Variants in DOCK10 observed in about 807,000 individuals in gnomAD.
The protein encoded by DOCK10 is dedicator of cytokinesis protein 10.
Under a neutral mutation model 280.1 loss-of-function variants are expected in DOCK10, and 145 were observed. The ratio of observed to expected loss-of-function variants is 0.52; its 90% CI spans 0.45 to 0.59. The LOEUF (loss-of-function observed/expected upper bound fraction) is 0.59, where lower values mean the gene tolerates loss of function less well. DOCK10 is among the 20% of genes least tolerant of loss of function. The pLI is 0.00. For missense variants in DOCK10, 2,368 were observed against 2,651.7 expected (o/e 0.89, Z 2.35); for synonymous variants, 915 against 942.2 (o/e 0.97, Z 0.53).
intron 49 of DOCK10, 53 bp from the exon 50 acceptor site, chr2:224,787,188 G>A: frequency 1.2e-6 from 2 of 1,605,410 alleles, no homozygotes; most frequent in Middle Eastern, 1.7e-4. Context: ...ATACAAATAA[G>A]GGAGTTTTTA....
chr2:224,991,247 A>T (rs1414341236), intron 1 of DOCK10, among the ~76,000 whole-genome samples: 5 of 152,190 alleles, frequency 3.3e-5, no homozygotes, highest in Non-Finnish European at 7.3e-5. Flanking sequence ...CTAGAAAGTG[A>T]TTCAGAGCAA....
intron 1 of DOCK10, among the ~76,000 whole-genome samples, chr2:225,009,897 T>C (rs2126296281): frequency 6.6e-6 from 1 of 152,278 alleles, no homozygotes; most frequent in African/African-American, 2.4e-5. Flanking sequence ...TCCTGCATAG[T>C]TGAGGGATTA....
At chr2:225,014,081 A>ATATTTTTTTTTTTTTTTTTTT (rs776104946) in intron 1 of DOCK10, among the ~76,000 whole-genome samples, 2 of 96,800 alleles carry the variant, frequency 2.1e-5, no homozygotes, top group Non-Finnish European at 3.9e-5. Flanking sequence ...GTCTGAATAT[A>ATATTTTTTTTTTTTTTTTTTT]TTGTTTTTTT....
Position 225,035,539 on chromosome 2 carries a change from A to AT in DOCK10, c.123+6712dup, listed in dbSNP as rs1220813090. 1.7e-3 allele frequency among the ~76,000 whole-genome samples: 133 copies of AT among 78,294 alleles called. 2 individuals are homozygous for AT. The highest frequency in any genetic ancestry group is 2.7e-3 in the Non-Finnish European group (113 of 41,660). The allele number at this position is 78,294 out of a possible 152,430, so 51.4% of individuals were successfully genotyped here. ...ATATAGATCTTATATGATATGATAT[A>AT]TATTATATATATATATATATATATA... On this transcript the variant is annotated intron_variant, in intron 1 of 55. Coordinates refer to ENST00000258390, the MANE Select transcript of DOCK10 (RefSeq NM_014689.3).
At chr2:224,883,881 T>A (rs1027231427) in intron 7 of DOCK10, among the ~76,000 whole-genome samples, 5 of 152,198 alleles carry the variant, frequency 3.3e-5, no homozygotes, top group Non-Finnish European at 5.9e-5. Flanking sequence ...AACAAAAGAC[T>A]ACAATGGTAC....
At chr2:224,991,102 G>A (rs1445835003) in intron 1 of DOCK10, among the ~76,000 whole-genome samples, 9 of 152,234 alleles carry the variant, frequency 5.9e-5, no homozygotes, top group African/African-American at 1.9e-4. Context: ...TGTCCCCGGT[G>A]AAGGCAGGTG....
At chr2:224,967,180 C>A (rs1046506284) in intron 1 of DOCK10, among the ~76,000 whole-genome samples, 1 of 151,482 alleles carries the variant, frequency 6.6e-6, no homozygotes, top group South Asian at 2.1e-4. Context: ...CCCGGGTTCA[C>A]GCCATTCTTC....
At position 224,770,349 on chromosome 2, in the gene DOCK10, C is replaced by T. The variant is rs1381475889; in HGVS notation, c.6306G>A (p.Arg2102=). 3.8e-6 allele frequency: 6 copies of T among 1,593,214 alleles called. No individual in the cohort carries two copies. The highest frequency in any genetic ancestry group is 5.1e-6 in the Non-Finnish European group (6 of 1,170,812). ...CCTGCCCACATGCATCTGCAAATTG[C>T]CTTTAGCGACAGCATTAAACAAATT... ...NQVKLLKEIF[R]QFADACGQAL... is the part of the protein sequence containing the mutation. Residue 2102 remains arginine, a splice_region_variant and synonymous_variant, in exon 55 of 56, where the codon AGG becomes AGA. Transcript: ENST00000258390. This position sits in a 1 kb window ranked among gnomAD's most constrained non-coding sequence, Gnocchi z 4.5.
At chr2:224,778,313 A>C in intron 50 of DOCK10, 29 bp from the exon 51 acceptor site, 1 of 1,576,686 alleles carries the variant, frequency 6.3e-7, no homozygotes, top group Non-Finnish European at 8.6e-7. Context: ...CACCAATTTT[A>C]TTAGACAATG....
intron 4 of DOCK10, among the ~76,000 whole-genome samples, chr2:224,892,900 T>C (rs938214178): frequency 1.3e-5 from 2 of 152,236 alleles, no homozygotes; most frequent in African/African-American, 4.8e-5. Flanking sequence ...GGGGCTACTA[T>C]GCAATGACTT....
chr2:224,954,259 A>G (rs941034188), intron 1 of DOCK10, among the ~76,000 whole-genome samples: 1 of 152,166 alleles, frequency 6.6e-6, no homozygotes, highest in Non-Finnish European at 1.5e-5. Context: ...ACAGTGAAGG[A>G]GTTATACTTT....
At chr2:224,931,879 T>C (rs1702405366) in intron 1 of DOCK10, among the ~76,000 whole-genome samples, 1 of 152,216 alleles carries the variant, frequency 6.6e-6, no homozygotes, top group Non-Finnish European at 1.5e-5. Flanking sequence ...AAATACCTGA[T>C]ATCTCCCTCA....
intron 5 of DOCK10, 125 bp downstream of exon 5, chr2:224,886,333 TA>T: frequency 6.8e-7 from 1 of 1,460,726 alleles, no homozygotes. Context: ...TCATTTTGAC[TA>T]AAAGCCCTAC....
intron 29 of DOCK10, among the ~76,000 whole-genome samples, chr2:224,816,989 T>G (rs1436096349): frequency 6.6e-6 from 1 of 152,194 alleles, no homozygotes; most frequent in African/African-American, 2.4e-5. Flanking sequence ...CTGAGTCATA[T>G]TTTTTAGCTT....
At chr2:224,802,071 T>A (rs775064233) in intron 39 of DOCK10, 31 bp from the exon 40 acceptor site, 1 of 1,605,370 alleles carries the variant, frequency 6.2e-7, no homozygotes, top group Admixed American at 1.7e-5. Context: ...GTGGTTAGAG[T>A]TATTTGGGGA....
rs1318918539 is a variant in DOCK10, at chr2:224,787,380, C to G, written c.5436G>C (p.Gln1812His). The stretch of plus-strand genomic sequence containing the variant: ...AGAGAAACTCCACACACATGTATAG[C>G]TGCTCCACCAGGATATTCTGCAATT... ...TPYNENILVEQLYMCVEFLWK... is the reference protein window; with the variant it reads ...TPYNENILVEHLYMCVEFLWK... The change falls in exon 49 of 56, where the codon CAG becomes CAC. Residue 1812 changes from glutamine to histidine, a missense_variant. This residue lies in a region of DOCK10 where 1,159 missense variants were observed against 1,400.8 expected (regional missense o/e 0.83). Transcript: ENST00000258390. The G allele has an allele frequency of 6.2e-7, 1 of 1,613,874 alleles. No individual in the cohort carries two copies. Among genetic ancestry groups the G allele is most frequent in the Non-Finnish European group, 8.5e-7 (1 of 1,179,878 alleles).
At chr2:224,869,973 T>C (rs928354700) in intron 11 of DOCK10, among the ~76,000 whole-genome samples, 5 of 152,198 alleles carry the variant, frequency 3.3e-5, no homozygotes, top group African/African-American at 4.8e-5. Context: ...CTAAGTGACA[T>C]TACCATTTGA....
rs1691959937 is a variant in DOCK10, at chr2:224,789,076, T to C, written c.5406A>G (p.Thr1802=). ...AMKEDSGMQD[T]PYNENILVEQ... is the part of the protein sequence containing the mutation. ...ATTTTGGTCTAACCTCATTGTATGG[T>C]GTATCTTGCATTCCAGAATCCTCTT... is the stretch of plus-strand genomic sequence containing the variant. Residue 1802 remains threonine, a synonymous_variant, in exon 48 of 56, where the codon ACA becomes ACG. Transcript: ENST00000258390. The C allele has an allele frequency of 1.2e-6, 2 of 1,612,676 alleles. No individual in the cohort carries two copies. The highest frequency in any genetic ancestry group is 1.7e-6 in the Non-Finnish European group (2 of 1,178,948).
intron 7 of DOCK10, among the ~76,000 whole-genome samples, chr2:224,881,769 G>A (rs772804228): frequency 8.5e-5 from 13 of 152,186 alleles, no homozygotes; most frequent in Non-Finnish European, 1.9e-4. Flanking sequence ...CAGAACTTGA[G>A]TTGCTAATGC....
Sources: gnomAD v4.1 joint callset for allele counts (sites outside exome capture counted in the v4.1 genomes callset) on GRCh38, gnomAD v4.1.1 for gene constraint, gnomAD v4.1.1 regional missense constraint, Gnocchi (gnomAD v3.1) non-coding constraint, MANE v1.5 for transcripts, NCBI Gene and HGNC (gene_info 2026-07-23, HGNC 2026-07-21) for gene names.